Variants in MLLT6 observed in about 807,000 individuals in gnomAD.
The protein encoded by MLLT6 is MLLT6, PHD finger containing.
In MLLT6, 22 loss-of-function variants were observed where a neutral mutation model predicts 103.0. The ratio of observed to expected loss-of-function variants is 0.21; its 90% CI spans 0.15 to 0.31. MLLT6 has a LOEUF of 0.31. MLLT6 is among the 10% of genes least tolerant of loss of function. The pLI, the probability that MLLT6 is intolerant of heterozygous loss-of-function variation, is 1.00. For missense variants in MLLT6, 1,199 were observed against 1,441.7 expected (o/e 0.83, Z 2.73); for synonymous variants, 606 against 623.5 (o/e 0.97, Z 0.42).
chr17:38,707,929 A>G, intron 4 of MLLT6, 57 bp downstream of exon 4: 3 of 1,072,262 alleles, frequency 2.8e-6, no homozygotes, highest in East Asian at 2.5e-5. Context: ...GGGTTCCTCC[A>G]ACGCTCTCTT....
rs376743249 is a variant in MLLT6, at chr17:38,719,914, G to T, written c.2155+19G>T. The T allele has an allele frequency of 7.1e-6, 11 of 1,554,582 alleles. No individual in the cohort carries two copies. Among genetic ancestry groups the T allele is most frequent in the Middle Eastern group, 1.9e-4 (1 of 5,130 alleles). ...GTCAACAGTGAGGAGGGGTGGCGCC[G>T]GTCGGGACGCCTGCCCTAGGGCCCT... On this transcript the variant is annotated intron_variant, in intron 14 of 19. Transcript: ENST00000621332.
In MLLT6 at chr17:38,725,773, G is replaced by C; in HGVS notation, c.*175G>C. 1 of 565,918 alleles carries C rather than the reference G, an allele frequency of 1.8e-6. No homozygotes were observed. Among genetic ancestry groups the C allele is most frequent in the Non-Finnish European group, 3.0e-6 (1 of 328,058 alleles). The allele number at this position is 565,918 out of a possible 1,614,324, so 35.1% of individuals were successfully genotyped here. A position where few individuals can be genotyped will look rare whatever the true frequency, so the allele number is the denominator to read the frequency against. ...GTGTCGAGGACTGAGACTGAGAGGG[G>C]AGCCCCCTCCATCTGGCCCCCTTCC... is the stretch of plus-strand genomic sequence containing the variant. On this transcript the variant is annotated 3_prime_UTR_variant, in exon 20 of 20. Transcript: ENST00000621332.
At chr17:38,725,014 G>A in intron 19 of MLLT6, 38 bp downstream of exon 19, 1 of 1,353,090 alleles carries the variant, frequency 7.4e-7, no homozygotes, top group Non-Finnish European at 1.0e-6. Flanking sequence ...CCTCCCCTCT[G>A]AGGGATGGGT....
At chr17:38,717,067 T>C in intron 10 of MLLT6, 86 bp downstream of exon 10, 1 of 1,557,594 alleles carries the variant, frequency 6.4e-7, no homozygotes, top group Non-Finnish European at 8.6e-7. Flanking sequence ...TAGAAGGAAA[T>C]GGGATGGATA....
rs936954970 is a variant in MLLT6, at chr17:38,727,310, A to AG, written c.*1718dup. 2 of 185,194 alleles carry AG rather than the reference A, an allele frequency of 1.1e-5. No homozygotes were observed. Among genetic ancestry groups the AG allele is most frequent in the African/African-American group, 2.8e-5 (1 of 35,338 alleles). 11.5% of individuals were successfully genotyped at this position (185,194 alleles called of 1,614,324 possible). A position where few individuals can be genotyped will look rare whatever the true frequency, so the allele number is the denominator to read the frequency against. On this transcript the variant is annotated 3_prime_UTR_variant, in exon 20 of 20. Coordinates refer to ENST00000621332, the MANE Select transcript of MLLT6 (RefSeq NM_005937.4). The stretch of plus-strand genomic sequence containing the variant: ...TAAGATGTTAGGGAGCTGATAATGG[A>AG]GGGGGGTGGGAATCCTTCAAAGGCA...
chr17:38,720,320 G>GGCCCCCCCCC, intron 14 of MLLT6, 52 bp from the exon 15 acceptor site: 1 of 735,422 alleles, frequency 1.4e-6, no homozygotes, highest in Non-Finnish European at 2.2e-6. Flanking sequence ...CGGTCCCCTG[G>GGCCCCCCCCC]CCCCGCCTCC....
At position 38,715,674 on chromosome 17, in the gene MLLT6, C is replaced by A; in HGVS notation, c.882C>A (p.Ser294Arg). ...CCAGCACGCAGGAGACCTCTGAGAG[C>A]AGCAGGGAGTCAAAGGGGAAAAAGT... is the stretch of plus-strand genomic sequence containing the variant. ...HEASTQETSE[S>R]SRESKGKKSS... Residue 294 changes from serine (S) to arginine (R), a missense_variant, in exon 9 of 20, where the codon AGC (serine) becomes AGA (arginine). This residue lies in a region of MLLT6 where 1,034 missense variants were observed against 1,091.5 expected (regional missense o/e 0.95). Coordinates refer to ENST00000621332, the MANE Select transcript of MLLT6 (RefSeq NM_005937.4). 1 of 1,614,158 alleles carries A rather than the reference C, an allele frequency of 6.2e-7. No individual in the cohort carries two copies. Among genetic ancestry groups the A allele is most frequent in the East Asian group, 2.2e-5 (1 of 44,884 alleles).
rs765862372 is a variant in MLLT6 at position 38,705,583 on chromosome 17, C to T, written c.-50C>T. 1 of 830,100 alleles carries T rather than the reference C, an allele frequency of 1.2e-6. No individual in the cohort carries two copies. The allele number at this position is 830,100 out of a possible 1,614,324, so 51.4% of individuals were successfully genotyped here. A position where few individuals can be genotyped will look rare whatever the true frequency, so the allele number is the denominator to read the frequency against. The stretch of plus-strand genomic sequence containing the variant: ...TCCCTCCCTCCCCCCTGACCCCCGA[C>T]CCCCGCCGGCCGGCCCCCCGCCCCA... On this transcript the variant is annotated 5_prime_UTR_variant, in exon 1 of 20. Coordinates refer to ENST00000621332, the MANE Select transcript of MLLT6 (RefSeq NM_005937.4).
At chr17:38,706,799 C>G in intron 1 of MLLT6, 151 bp from the exon 2 acceptor site, 8 of 545,280 alleles carry the variant, frequency 1.5e-5, no homozygotes, top group Non-Finnish European at 2.3e-5. Flanking sequence ...TTGGGCAGTC[C>G]TGCTGTAGAG....
In MLLT6 at chr17:38,729,651, G is replaced by GC; in HGVS notation, c.*4059dup. ...TTGATATCCTCAGCCCAAAGGCGAT[G>GC]CCCCCCTGCCACCTCCAAGCCTGGA... On this transcript the variant is annotated 3_prime_UTR_variant, in exon 20 of 20. Coordinates refer to ENST00000621332, the MANE Select transcript of MLLT6 (RefSeq NM_005937.4). The GC allele has an allele frequency of 4.4e-6, 1 of 229,482 alleles. No homozygotes were observed. Among genetic ancestry groups the GC allele is most frequent in the Non-Finnish European group, 8.7e-6 (1 of 115,540 alleles). The allele number at this position is 229,482 out of a possible 1,614,324, so 14.2% of individuals were successfully genotyped here.
chr17:38,710,501 C>T (rs527435339), intron 6 of MLLT6, among the ~76,000 whole-genome samples: 5 of 152,194 alleles, frequency 3.3e-5, no homozygotes, highest in African/African-American at 1.2e-4. Flanking sequence ...AGGGCTGAGG[C>T]TGGTGGCCGG....
At chr17:38,720,189 G>A (rs1905631220) in intron 14 of MLLT6, 183 bp from the exon 15 acceptor site, 2 of 700,694 alleles carry the variant, frequency 2.9e-6, no homozygotes, top group Non-Finnish European at 4.7e-6. Context: ...CTCCGCCCCA[G>A]GTCTTCACAC....
At position 38,711,843 on chromosome 17, in the gene MLLT6, G is replaced by A. The variant is rs764194015; in HGVS notation, c.553-4G>A. The A allele has an allele frequency of 8.4e-6, 13 of 1,541,606 alleles. No individual in the cohort carries two copies. The highest frequency in any genetic ancestry group is 4.9e-5 in the South Asian group (4 of 80,902). ...TTGCAATTTCTCTCAAATCTCTCCC[G>A]CAGAAGACATCCCGGCACAGCAGCG... On this transcript the variant is annotated splice_polypyrimidine_tract_variant and splice_region_variant and intron_variant, in intron 6 of 19. Transcript: ENST00000621332.
intron 18 of MLLT6, 26 bp downstream of exon 18, chr17:38,722,794 A>T: frequency 1.9e-6 from 3 of 1,550,658 alleles, no homozygotes; most frequent in Non-Finnish European, 2.7e-6. Flanking sequence ...TCCCTGCCTC[A>T]GGTGCCCCTT....
At position 38,712,050 on chromosome 17, in the gene MLLT6, C is replaced by T. The variant is rs140894414; in HGVS notation, c.720+36C>T. The T allele has an allele frequency of 1.7e-4, 257 of 1,511,344 alleles. 3 individuals carry two copies. The East Asian group carries it at 5.6e-3, about 33-fold the overall frequency. 93.6% of individuals were successfully genotyped at this position (1,511,344 alleles called of 1,614,324 possible). A position where few individuals can be genotyped will look rare whatever the true frequency, so the allele number is the denominator to read the frequency against. The stretch of plus-strand genomic sequence containing the variant: ...TCCCCCACCTGCCATCACTCCCACA[C>T]GGGGACTTGGAGACTCACAAACATG... On this transcript the variant is annotated intron_variant, in intron 7 of 19. Coordinates refer to ENST00000621332, the MANE Select transcript of MLLT6 (RefSeq NM_005937.4).
intron 17 of MLLT6, 30 bp from the exon 18 acceptor site, chr17:38,722,648 T>TGC: frequency 4.5e-6 from 2 of 441,544 alleles, no homozygotes; most frequent in Non-Finnish European, 8.3e-6. Flanking sequence ...CTGTGTGTTG[T>TGC]CCCCCCCCCA....
At chr17:38,711,783 TC>T in intron 6 of MLLT6, 63 bp from the exon 7 acceptor site, 1 of 1,453,414 alleles carries the variant, frequency 6.9e-7, no homozygotes, top group Non-Finnish European at 9.1e-7. Context: ...CCTCTAACCT[TC>T]TGGAAGCGTT....
In MLLT6 at chr17:38,719,508, T is replaced by G. The variant is rs1166559625; in HGVS notation, c.1943-9T>G. On this transcript the variant is annotated splice_polypyrimidine_tract_variant and intron_variant, in intron 12 of 19. Coordinates refer to ENST00000621332, the MANE Select transcript of MLLT6 (RefSeq NM_005937.4). ...CTCCACGCTGATCCCAGCCTTCCCT[T>G]CTTCCAAGAGCCAGACCTGGAGGAC... The G allele has an allele frequency of 3.7e-6, 6 of 1,606,524 alleles. No homozygotes were observed. The African/African-American group carries it at 6.7e-5, about 18-fold the overall frequency.
At chr17:38,720,335 C>A in intron 14 of MLLT6, 37 bp from the exon 15 acceptor site, 2 of 1,504,540 alleles carry the variant, frequency 1.3e-6, no homozygotes, top group Non-Finnish European at 1.8e-6. Flanking sequence ...GCCTCCGCCC[C>A]CTCGCCCCTC....
Sources: allele counts gnomAD v4.1 joint callset (sites outside exome capture counted in the v4.1 genomes callset), GRCh38; gene constraint gnomAD v4.1.1; regional missense constraint gnomAD v4.1.1; transcripts MANE v1.5; gene names NCBI Gene and HGNC (gene_info 2026-07-23, HGNC 2026-07-21).